The following TSHZ2 variants were observed in gnomAD, a reference collection of about 807,000 sequenced individuals.
TSHZ2 encodes teashirt homolog 2.
A neutral mutation model predicts 74.4 loss-of-function variants in TSHZ2; 21 were observed. The observed-to-expected ratio is 0.28, with a 90% CI of 0.20 to 0.41. The LOEUF (loss-of-function observed/expected upper bound fraction) is 0.41, where lower values mean the gene tolerates loss of function less well. Among genes scored for constraint, TSHZ2 ranks in the 10% least tolerant of loss-of-function variants. TSHZ2 has a pLI of 1.00. For synonymous variants in TSHZ2, 540 were observed against 515.3 expected (o/e 1.05, Z -0.65); for missense variants, 1,244 against 1,293.5 (o/e 0.96, Z 0.59).
chr20:53,383,286 A>C (rs1600595480), intron 2 of TSHZ2, among the ~76,000 whole-genome samples: 1 of 152,132 alleles, frequency 6.6e-6, no homozygotes. Context: ...AAAAAAGAAA[A>C]AGAAAATGCT....
chr20:53,129,242 A>G (rs759970440), intron 1 of TSHZ2, among the ~76,000 whole-genome samples: 4 of 152,214 alleles, frequency 2.6e-5, no homozygotes, highest in Non-Finnish European at 5.9e-5. Context: ...CACCATTTTC[A>G]CAATGTGCCA....
intron 1 of TSHZ2, among the ~76,000 whole-genome samples, chr20:53,015,660 G>T (rs1399919202): frequency 6.6e-6 from 1 of 152,120 alleles, no homozygotes; most frequent in Non-Finnish European, 1.5e-5. Context: ...TAAAATATAG[G>T]AGGGTAATGT....
chr20:53,065,606 T>C (rs912675590), intron 1 of TSHZ2, among the ~76,000 whole-genome samples: 3 of 152,128 alleles, frequency 2.0e-5, no homozygotes, highest in African/African-American at 7.2e-5. Context: ...GTTGGATTTG[T>C]CCTGTCCCCA....
At chr20:53,422,471 A>C (rs1983509547) in intron 2 of TSHZ2, among the ~76,000 whole-genome samples, 1 of 152,200 alleles carries the variant, frequency 6.6e-6, no homozygotes, top group Non-Finnish European at 1.5e-5. Context: ...GGAAAAACTC[A>C]CAGCAATTTA....
At chr20:53,117,590 T>G (rs185472468) in intron 1 of TSHZ2, among the ~76,000 whole-genome samples, 2 of 152,192 alleles carry the variant, frequency 1.3e-5, no homozygotes, top group African/African-American at 4.8e-5. Context: ...AGTTCTAGAT[T>G]GAGCTGAGAA....
chr20:53,463,972 C>T (rs374249606), intron 2 of TSHZ2, among the ~76,000 whole-genome samples: 5 of 152,344 alleles, frequency 3.3e-5, no homozygotes, highest in African/African-American at 1.2e-4. Context: ...ATTATTACCG[C>T]CATCATTGCC....
In TSHZ2 at chr20:53,264,109, G is replaced by A. The variant is rs117588691; in HGVS notation, c.*8+7538G>A. Among the ~76,000 whole-genome samples the A allele has an allele frequency of 6.4e-4, 97 of 152,300 alleles. No individual in the cohort carries two copies. In the East Asian group the frequency reaches 0.013, roughly 20 times the overall value. On this transcript the variant is annotated intron_variant, in intron 2 of 2. Coordinates refer to ENST00000371497, the MANE Select transcript of TSHZ2 (RefSeq NM_173485.6). ...GCCTTAGGGCACAATACTCATTGCC[G>A]GCGTAGCTTGTGAAATGGTGTGTGT...
intron 1 of TSHZ2, among the ~76,000 whole-genome samples, chr20:53,232,726 C>G (rs552602208): frequency 1.3e-5 from 2 of 152,078 alleles, no homozygotes; most frequent in South Asian, 2.1e-4. Context: ...CGAGACCCCC[C>G]CTCTAGAAAA....
chr20:53,427,081 G>A (rs1032876823), intron 2 of TSHZ2, among the ~76,000 whole-genome samples: 10 of 152,212 alleles, frequency 6.6e-5, no homozygotes, highest in African/African-American at 2.4e-4. Context: ...GGAGCGCCGT[G>A]AAGCTCGCCT....
chr20:53,068,302 A>G (rs567083427), intron 1 of TSHZ2, among the ~76,000 whole-genome samples: 91 of 152,222 alleles, frequency 6.0e-4, no homozygotes, highest in Admixed American at 9.2e-4. Context: ...CAGTCTATGG[A>G]TCCCGAGTCC....
At chr20:53,391,755 C>T (rs187239354) in intron 2 of TSHZ2, among the ~76,000 whole-genome samples, 318 of 152,224 alleles carry the variant, frequency 2.1e-3, no homozygotes, top group South Asian at 5.6e-3. Context: ...ACAGTGTGGC[C>T]AACATGGCGA....
intron 1 of TSHZ2, among the ~76,000 whole-genome samples, chr20:53,001,819 ATTG>A (rs1982452295): frequency 6.6e-6 from 1 of 152,212 alleles, no homozygotes; most frequent in Admixed American, 6.5e-5. Context: ...ACAGAGTATC[ATTG>A]TTTGATAGTG....
Position 53,256,688 on chromosome 20 carries a change from G to A in TSHZ2, c.*8+117G>A, listed in dbSNP as rs117674369. On this transcript the variant is annotated intron_variant, in intron 2 of 2. Coordinates refer to ENST00000371497, the MANE Select transcript of TSHZ2 (RefSeq NM_173485.6). This position sits in a 1 kb window ranked among gnomAD's most constrained non-coding sequence, Gnocchi z 4.3. ...ATGCCAAGCAGGATAGTAGCTTGCT[G>A]GAGTAGGATTTATTTTAATGAAAGA... is the stretch of plus-strand genomic sequence containing the variant. 6,074 of 1,408,992 alleles carry A rather than the reference G, an allele frequency of 4.3e-3. 23 individuals carry two copies. The highest frequency in any genetic ancestry group is 6.1e-3 in the Admixed American group (241 of 39,514). 87.3% of individuals were successfully genotyped at this position (1,408,992 alleles called of 1,614,324 possible).
chr20:53,002,349 T>C (rs1162944717), intron 1 of TSHZ2, among the ~76,000 whole-genome samples: 4 of 152,202 alleles, frequency 2.6e-5, no homozygotes, highest in African/African-American at 9.6e-5. Flanking sequence ...TTTCATACTT[T>C]GTGGAGCGTC....
At position 53,494,635 on chromosome 20, in the gene TSHZ2, A is replaced by G. The variant is rs1332148356; in HGVS notation, c.*7500A>G. ...AAGCCATTATTTTTTGCATCCAAAGAGTTTTTTTTTTTAAGGAAAATCATT... is the reference window on the plus strand; with the variant it reads ...AAGCCATTATTTTTTGCATCCAAAGGGTTTTTTTTTTTAAGGAAAATCATT... On this transcript the variant is annotated 3_prime_UTR_variant, in exon 3 of 3. Coordinates refer to ENST00000371497, the MANE Select transcript of TSHZ2 (RefSeq NM_173485.6). The G allele has an allele frequency of 1.3e-5, 2 of 149,020 alleles. No homozygotes were observed. Among genetic ancestry groups the G allele is most frequent in the Non-Finnish European group, 3.0e-5 (2 of 67,330 alleles). 9.2% of individuals were successfully genotyped at this position (149,020 alleles called of 1,614,324 possible). A position where few individuals can be genotyped will look rare whatever the true frequency, so the allele number is the denominator to read the frequency against.
At chr20:53,200,170 TG>T (rs1988967510) in intron 1 of TSHZ2, among the ~76,000 whole-genome samples, 2 of 152,092 alleles carry the variant, frequency 1.3e-5, no homozygotes, top group Admixed American at 1.3e-4. Flanking sequence ...CTGCTTCTTG[TG>T]GGCGGGTGGA....
At chr20:53,438,813 A>C (rs1403726506) in intron 2 of TSHZ2, among the ~76,000 whole-genome samples, 1 of 152,164 alleles carries the variant, frequency 6.6e-6, no homozygotes, top group Non-Finnish European at 1.5e-5. Flanking sequence ...TTACGAAATT[A>C]GCCAGACGTG....
intron 1 of TSHZ2, among the ~76,000 whole-genome samples, chr20:53,105,473 C>T (rs1324476430): frequency 6.6e-6 from 1 of 152,086 alleles, no homozygotes; most frequent in Admixed American, 6.6e-5. Flanking sequence ...AAAATCTCCC[C>T]CTGTTGACAA....
chr20:53,449,755 A>G (rs1984699107), intron 2 of TSHZ2, among the ~76,000 whole-genome samples: 3 of 152,138 alleles, frequency 2.0e-5, no homozygotes, highest in South Asian at 4.1e-4. Context: ...TGATTCTTTA[A>G]TTAGACTGAC....
Sources: gnomAD v4.1 joint callset for allele counts (sites outside exome capture counted in the v4.1 genomes callset) on GRCh38, gnomAD v4.1.1 for gene constraint, Gnocchi (gnomAD v3.1) non-coding constraint, MANE v1.5 for transcripts, NCBI Gene and HGNC (gene_info 2026-07-23, HGNC 2026-07-21) for gene names.